Variants in SLMAP observed in about 807,000 individuals in gnomAD.
SLMAP encodes the protein sarcolemmal membrane-associated protein.
In SLMAP, 44 loss-of-function variants were observed where a neutral mutation model predicts 128.8. The ratio of observed to expected loss-of-function variants is 0.34; its 90% confidence interval spans 0.27 to 0.44. The LOEUF is 0.44. SLMAP is among the 20% of genes least tolerant of loss of function. The pLI is 1.00. For missense variants in SLMAP, 787 were observed against 985.3 expected, an observed-to-expected ratio of 0.80 and a Z score of 2.69; for synonymous variants, 327 against 348.8, an observed-to-expected ratio of 0.94 and a Z score of 0.70.
At chr3:57,843,163 G>T (rs1384790626) in intron 4 of SLMAP, among the ~76,000 whole-genome samples, 1 of 152,024 alleles carries the variant, frequency 6.6e-6, no homozygotes, top group Non-Finnish European at 1.5e-5. Context: ...AAGTTCCATT[G>T]TGTACATAGC....
At chr3:57,802,258 A>T (rs2088669063) in intron 2 of SLMAP, among the ~76,000 whole-genome samples, 1 of 151,614 alleles carries the variant, frequency 6.6e-6, no homozygotes, top group Non-Finnish European at 1.5e-5. Flanking sequence ...GCCTTAGGCA[A>T]CTACTAATCT....
At chr3:57,763,248 G>GTCTCA (rs1247761536) in intron 2 of SLMAP, among the ~76,000 whole-genome samples, 1 of 151,152 alleles carries the variant, frequency 6.6e-6, no homozygotes, top group Non-Finnish European at 1.5e-5. Context: ...TCTACTTCTA[G>GTCTCA]TCTCACGTTT....
intron 9 of SLMAP, among the ~76,000 whole-genome samples, chr3:57,861,238 G>GA (rs1327314654): frequency 6.6e-6 from 1 of 152,114 alleles, no homozygotes; most frequent in East Asian, 1.9e-4. Context: ...CTGCAGAGAG[G>GA]AAAACTAGCT....
At chr3:57,880,169 T>TTTTTGTTTTGTTTTG (rs74656522) in intron 14 of SLMAP, among the ~76,000 whole-genome samples, 47 of 148,114 alleles carry the variant, frequency 3.2e-4, no homozygotes, top group African/African-American at 8.7e-4. Flanking sequence ...TTGTATGTCA[T>TTTTTGTTTTGTTTTG]TTTTGTTTTG....
At chr3:57,792,110 A>G (rs930654063) in intron 2 of SLMAP, among the ~76,000 whole-genome samples, 1 of 152,166 alleles carries the variant, frequency 6.6e-6, no homozygotes, top group African/African-American at 2.4e-5. Flanking sequence ...CTTTGATTTG[A>G]AGAACAAAAT....
rs554758452 is a variant in SLMAP, at chr3:57,808,173, GTCTA to G, written c.199-23204_199-23201del. ...TTCTTCTTTATTGGTCTAGCAAGCA[GTCTA>G]TCTATTTTGTTAATTTTTTCAAAAA... On this transcript the variant is annotated intron_variant, in intron 2 of 24. Transcript: ENST00000671191. Among the ~76,000 whole-genome samples, 231 of 152,100 alleles carry G rather than the reference GTCTA, an allele frequency of 1.5e-3. 1 individual carries two copies. Among genetic ancestry groups the G allele is most frequent in the Middle Eastern group, 3.4e-3 (1 of 294 alleles).
Position 57,830,332 on chromosome 3 carries a change from G to T in SLMAP, c.199-1051G>T, listed in dbSNP as rs74950830. Among the ~76,000 whole-genome samples, 64 of 152,322 alleles carry T rather than the reference G, an allele frequency of 4.2e-4. No individual in the cohort carries two copies. In the East Asian group the frequency reaches 0.011, roughly 27 times the overall value. ...CTAAAATAGTAATATCTTTATCATA[G>T]CTTTAATGTTAAATGAGGGCCTGAT... On this transcript the variant is annotated intron_variant, in intron 2 of 24. Transcript: ENST00000671191.
chr3:57,889,296 T>C (rs1288155107), intron 14 of SLMAP, among the ~76,000 whole-genome samples: 1 of 152,210 alleles, frequency 6.6e-6, no homozygotes, highest in African/African-American at 2.4e-5. Flanking sequence ...GAGGCTATAA[T>C]GATATTGGAG....
intron 10 of SLMAP, among the ~76,000 whole-genome samples, chr3:57,862,291 C>G (rs2095109135): frequency 6.6e-6 from 1 of 151,928 alleles, no homozygotes. Flanking sequence ...GCACTCCAGC[C>G]TGGGCGACAG....
chr3:57,911,015 T>C (rs1053063379), intron 19 of SLMAP, among the ~76,000 whole-genome samples: 23 of 152,222 alleles, frequency 1.5e-4, no homozygotes, highest in African/African-American at 5.5e-4. Flanking sequence ...GTTTTTAAAT[T>C]GAAAGCTCTT....
chr3:57,888,858 C>T (rs1262072295), intron 14 of SLMAP, among the ~76,000 whole-genome samples: 1 of 151,874 alleles, frequency 6.6e-6, no homozygotes. Flanking sequence ...TTACATTATA[C>T]ATCTTAATCA....
At chr3:57,832,988 A>C (rs1379728289) in intron 3 of SLMAP, among the ~76,000 whole-genome samples, 1 of 152,214 alleles carries the variant, frequency 6.6e-6, no homozygotes, top group Non-Finnish European at 1.5e-5. Flanking sequence ...GCCATATCAC[A>C]CCTACAAGTC....
intron 19 of SLMAP, among the ~76,000 whole-genome samples, chr3:57,911,079 T>C (rs1389831633): frequency 6.6e-6 from 1 of 152,224 alleles, no homozygotes; most frequent in East Asian, 1.9e-4. Flanking sequence ...TAAATCTGAT[T>C]TGGATCTCTA....
chr3:57,925,068 C>T (rs1362795171), intron 23 of SLMAP, among the ~76,000 whole-genome samples: 1 of 151,326 alleles, frequency 6.6e-6, no homozygotes, highest in Non-Finnish European at 1.5e-5. Flanking sequence ...AATGCTCCCA[C>T]CTCAGCTTCC....
At chr3:57,882,218 T>C (rs2095763234) in intron 14 of SLMAP, among the ~76,000 whole-genome samples, 1 of 152,228 alleles carries the variant, frequency 6.6e-6, no homozygotes, top group Non-Finnish European at 1.5e-5. Flanking sequence ...GGCATTATTT[T>C]AACTGTTGGG....
chr3:57,921,270 A>G (rs1017352684), intron 22 of SLMAP, among the ~76,000 whole-genome samples: 16 of 152,208 alleles, frequency 1.1e-4, no homozygotes, highest in African/African-American at 3.9e-4. Context: ...TCTGAAAGTC[A>G]AAGTATATAC....
intron 8 of SLMAP, 111 bp downstream of exon 8, chr3:57,858,270 TCTTTTAAATC>T: frequency 1.5e-6 from 1 of 675,906 alleles, no homozygotes; most frequent in Non-Finnish European, 2.6e-6. Context: ...TTTCCACAAT[TCTTTTAAATC>T]TTTTGTGCTG....
chr3:57,855,733 A>AAAC (rs2094746137), intron 6 of SLMAP, among the ~76,000 whole-genome samples: 2 of 150,826 alleles, frequency 1.3e-5, no homozygotes, highest in African/African-American at 2.4e-5. Flanking sequence ...AAACAAAAAA[A>AAAC]AAAACTTTAA....
intron 2 of SLMAP, among the ~76,000 whole-genome samples, chr3:57,821,648 G>A (rs141070260): frequency 1.8e-4 from 28 of 152,222 alleles, no homozygotes; most frequent in African/African-American, 6.7e-4. Context: ...CAAATCATGG[G>A]TCTCCTTATT....
Sources: allele counts gnomAD v4.1 joint callset (sites outside exome capture counted in the v4.1 genomes callset), GRCh38; gene constraint gnomAD v4.1.1; transcripts MANE v1.5; gene names NCBI Gene and HGNC (gene_info 2026-07-23, HGNC 2026-07-21).